JAK2: variants seen among roughly 807,000 people sequenced by gnomAD.
JAK2 encodes tyrosine-protein kinase JAK2.
Under a neutral mutation model 139.3 loss-of-function variants are expected in JAK2, and 86 were observed. That is an observed-to-expected ratio of 0.62 (90% CI 0.52 to 0.74). JAK2 has a LOEUF of 0.74. JAK2 is among the 30% of genes least tolerant of loss of function. The pLI is 0.00. For synonymous variants in JAK2, 490 were observed against 437.7 expected, an observed-to-expected ratio of 1.12 and a Z score of -1.49; for missense variants, 1,421 against 1,360.3, an observed-to-expected ratio of 1.04 and a Z score of -0.70.
At chr9:5,004,232 C>G (rs1027933965) in intron 2 of JAK2, among the ~76,000 whole-genome samples, 1 of 152,126 alleles carries the variant, frequency 6.6e-6, no homozygotes, top group African/African-American at 2.4e-5. Flanking sequence ...CTTCAGTTTA[C>G]TCCTCCTATC....
At chr9:5,072,650 C>A (rs141072968) in intron 13 of JAK2, 24 bp downstream of exon 13, 2 of 1,539,672 alleles carry the variant, frequency 1.3e-6, no homozygotes, top group Non-Finnish European at 1.8e-6. Context: ...TTATATTGTT[C>A]ATGTAGTTTA....
At chr9:5,097,833 A>G (rs1443077947) in intron 22 of JAK2, 1 of 152,204 alleles carries the variant, frequency 6.6e-6, no homozygotes, top group Non-Finnish European at 1.5e-5. Flanking sequence ...CCATCATAGG[A>G]GGCTTTACCA....
At chr9:5,080,977 G>A (rs1396457389) in intron 18 of JAK2, among the ~76,000 whole-genome samples, 3 of 141,098 alleles carry the variant, frequency 2.1e-5, no homozygotes, top group Non-Finnish European at 3.0e-5. Context: ...CTCACTGCAA[G>A]CTCCACCTCC....
chr9:4,994,274 A>G (rs1233648166), intron 2 of JAK2, among the ~76,000 whole-genome samples: 1 of 152,222 alleles, frequency 6.6e-6, no homozygotes, highest in Non-Finnish European at 1.5e-5. Flanking sequence ...ACTTAAAGTC[A>G]CAGTTTCCAA....
chr9:5,024,898 G>C (rs1363145352), intron 3 of JAK2, among the ~76,000 whole-genome samples: 1 of 152,190 alleles, frequency 6.6e-6, no homozygotes, highest in Admixed American at 6.5e-5. Flanking sequence ...CCAGGGACCA[G>C]AGTTTCACAC....
intron 5 of JAK2, among the ~76,000 whole-genome samples, chr9:5,046,827 G>T (rs1157282133): frequency 6.6e-6 from 1 of 152,132 alleles, no homozygotes; most frequent in Admixed American, 6.5e-5. Context: ...ACTTTCTGTT[G>T]CTTTTACGGG....
rs542896009 is a variant in JAK2, at chr9:5,081,054, C to T, written c.2434+371C>T. ...GGGACTACAGGCGCCCGCCACCACA[C>T]CCGGCTAATTTTTTGTATTTTTAGT... On this transcript the variant is annotated intron_variant, in intron 18 of 24. Coordinates refer to ENST00000381652, the MANE Select transcript of JAK2 (RefSeq NM_004972.4). Among the ~76,000 whole-genome samples the T allele has an allele frequency of 4.0e-5, 6 of 151,842 alleles. No homozygotes were observed. The East Asian group carries it at 1.2e-3, about 29-fold the overall frequency.
At chr9:5,055,830 T>G in intron 8 of JAK2, 42 bp downstream of exon 8, 2 of 1,540,768 alleles carry the variant, frequency 1.3e-6, no homozygotes, top group African/African-American at 2.7e-5. Flanking sequence ...CATTTTATAG[T>G]TCTCAGAAAT....
intron 18 of JAK2, among the ~76,000 whole-genome samples, chr9:5,081,254 A>G (rs966508415): frequency 2.9e-5 from 3 of 104,594 alleles, no homozygotes; most frequent in African/African-American, 1.7e-4. Flanking sequence ...GTTGTAAATT[A>G]TAGTATTTTT....
At chr9:5,039,223 A>C (rs965582575) in intron 4 of JAK2, among the ~76,000 whole-genome samples, 11 of 152,104 alleles carry the variant, frequency 7.2e-5, no homozygotes, top group African/African-American at 2.7e-4. Context: ...AATTGTAGTC[A>C]TCCCGCTGTA....
intron 22 of JAK2, among the ~76,000 whole-genome samples, chr9:5,115,214 A>C (rs1352291673): frequency 6.6e-6 from 1 of 152,228 alleles, no homozygotes; most frequent in Non-Finnish European, 1.5e-5. Context: ...AAACAAGTTC[A>C]CAAGAAAAAA....
intron 8 of JAK2, among the ~76,000 whole-genome samples, chr9:5,061,299 T>A (rs1031500926): frequency 2.5e-4 from 38 of 152,240 alleles, no homozygotes; most frequent in African/African-American, 7.7e-4. Flanking sequence ...TGACTTCTCC[T>A]CTCTAGCTGT....
intron 8 of JAK2, among the ~76,000 whole-genome samples, chr9:5,064,127 G>C (rs1586727376): frequency 6.6e-6 from 1 of 152,210 alleles, no homozygotes; most frequent in African/African-American, 2.4e-5. Flanking sequence ...TTGCACTCCA[G>C]CCTGGGCGAC....
At chr9:5,115,303 T>G (rs1044305751) in intron 22 of JAK2, among the ~76,000 whole-genome samples, 5 of 151,986 alleles carry the variant, frequency 3.3e-5, no homozygotes, top group African/African-American at 4.8e-5. Flanking sequence ...AACAAACATA[T>G]GAAAAAAAGC....
Position 5,081,707 on chromosome 9 carries a change from T to G in JAK2, c.2435-18T>G. 1 of 1,547,068 alleles carries G rather than the reference T, an allele frequency of 6.5e-7. No individual in the cohort carries two copies. Among genetic ancestry groups the G allele is most frequent in the Non-Finnish European group, 8.9e-7 (1 of 1,120,222 alleles). On this transcript the variant is annotated intron_variant, in intron 18 of 24. Transcript: ENST00000381652. ...GTTATTTGCTAATTTAAGGTGATAATATTCTTTATTTCTCCAGATTATGAA... is the reference window on the plus strand; with the variant it reads ...GTTATTTGCTAATTTAAGGTGATAAGATTCTTTATTTCTCCAGATTATGAA...
At chr9:5,031,505 T>C (rs533158813) in intron 4 of JAK2, among the ~76,000 whole-genome samples, 1 of 152,308 alleles carries the variant, frequency 6.6e-6, no homozygotes, top group South Asian at 2.1e-4. Context: ...GTAGAATAGT[T>C]GATTAGCTGT....
intron 19 of JAK2, among the ~76,000 whole-genome samples, chr9:5,089,084 T>C (rs1162069394): frequency 2.0e-5 from 3 of 152,230 alleles, no homozygotes; most frequent in Non-Finnish European, 4.4e-5. Flanking sequence ...CCTTGGCTTA[T>C]CTTGACAATT....
At chr9:5,011,827 C>T (rs1272615121) in intron 2 of JAK2, among the ~76,000 whole-genome samples, 1 of 152,158 alleles carries the variant, frequency 6.6e-6, no homozygotes, top group Non-Finnish European at 1.5e-5. Flanking sequence ...TGGTTTTAGG[C>T]TTTGTTGGGA....
At chr9:5,004,644 C>G (rs907988028) in intron 2 of JAK2, among the ~76,000 whole-genome samples, 5 of 152,036 alleles carry the variant, frequency 3.3e-5, no homozygotes, top group African/African-American at 1.2e-4. Context: ...TTCCAATACC[C>G]AGAAGTGGGA....
Sources: allele counts gnomAD v4.1 joint callset (sites outside exome capture counted in the v4.1 genomes callset), GRCh38; gene constraint gnomAD v4.1.1; transcripts MANE v1.5; gene names NCBI Gene and HGNC (gene_info 2026-07-23, HGNC 2026-07-21).